Variants in RIPOR3 observed in about 807,000 individuals in gnomAD.
RIPOR3 encodes the protein RIPOR family member 3, also known as family with sequence similarity 65 member C.
Under a neutral mutation model 114.3 loss-of-function variants are expected in RIPOR3, and 95 were observed. The ratio of observed to expected loss-of-function variants is 0.83; its 90% CI spans 0.70 to 0.99. RIPOR3 has a LOEUF of 0.99. RIPOR3 is among the 50% of genes least tolerant of loss of function. The probability of loss-of-function intolerance (pLI) is 0.00; values close to 1 mark genes in which losing one functional copy is unlikely to be tolerated. For synonymous variants in RIPOR3, 575 were observed against 543.8 expected (o/e 1.06, Z -0.80); for missense variants, 1,252 against 1,266.9 (o/e 0.99, Z 0.18).
chr20:50,677,274 A>G (rs1240716907), intron 1 of RIPOR3, among the ~76,000 whole-genome samples: 1 of 152,034 alleles, frequency 6.6e-6, no homozygotes, highest in East Asian at 1.9e-4. Context: ...TGTGCCAGAC[A>G]CAGGGTCCAA....
intron 1 of RIPOR3, among the ~76,000 whole-genome samples, chr20:50,631,829 G>A (rs938412546): frequency 9.2e-5 from 14 of 152,166 alleles, no homozygotes; most frequent in South Asian, 2.1e-4. Flanking sequence ...CTTCCAGCAA[G>A]GGCAGCTGGA....
chr20:50,642,297 C>G (rs1417908852), intron 1 of RIPOR3, among the ~76,000 whole-genome samples: 1 of 151,402 alleles, frequency 6.6e-6, no homozygotes, highest in African/African-American at 2.4e-5. Context: ...CATCCTTTCT[C>G]AGTTTTCTCC....
intron 2 of RIPOR3, among the ~76,000 whole-genome samples, chr20:50,627,270 G>A (rs149349740): frequency 0.014 from 2,071 of 151,868 alleles, 57 homozygotes; most frequent in African/African-American, 0.045. Flanking sequence ...GGAGGCCGAG[G>A]CAGGTGGATC....
intron 3 of RIPOR3, 96 bp from the exon 4 acceptor site, chr20:50,616,176 C>T (rs2084165973): frequency 3.1e-6 from 4 of 1,284,330 alleles, no homozygotes; most frequent in Non-Finnish European, 3.3e-6. Context: ...GGAGAGCAGA[C>T]ACGGGGCTCA....
At chr20:50,589,376 C>T (rs13040456) in intron 20 of RIPOR3, among the ~76,000 whole-genome samples, 5 of 150,722 alleles carry the variant, frequency 3.3e-5, no homozygotes, top group Non-Finnish European at 5.9e-5. Flanking sequence ...GGCACGATCT[C>T]GGCTCACTGC....
intron 3 of RIPOR3, among the ~76,000 whole-genome samples, chr20:50,617,382 G>A (rs1270373342): frequency 6.6e-6 from 1 of 152,146 alleles, no homozygotes; most frequent in South Asian, 2.1e-4. Flanking sequence ...AAAGGACACA[G>A]AATCTGTCCT....
intron 20 of RIPOR3, among the ~76,000 whole-genome samples, chr20:50,588,272 T>C (rs1232297188): frequency 6.6e-6 from 1 of 152,260 alleles, no homozygotes; most frequent in Non-Finnish European, 1.5e-5. Flanking sequence ...CTCAGGCACA[T>C]GCCCCCTGGC....
chr20:50,638,108 C>CA (rs937210416), intron 1 of RIPOR3, among the ~76,000 whole-genome samples: 1 of 152,184 alleles, frequency 6.6e-6, no homozygotes, highest in Non-Finnish European at 1.5e-5. Context: ...AGCTTCAGGG[C>CA]AGCCCATGGT....
rs939059602 is a variant in RIPOR3 at position 50,642,222 on chromosome 20, CCTTTGT to C, written c.4-11372_4-11367del. 1.1e-4 allele frequency among the ~76,000 whole-genome samples: 17 copies of C among 152,068 alleles called. No homozygotes were observed. In the Middle Eastern group the frequency reaches 0.01, roughly 91 times the overall value. ...CTTCTGGGAATTTTCAGTGCCTATT[CCTTTGT>C]CCAGTTATCTGCCTTCTTCTTCTTG... On this transcript the variant is annotated intron_variant, in intron 1 of 21. Coordinates refer to ENST00000327979, the MANE Select transcript of RIPOR3 (RefSeq NM_001290268.2).
chr20:50,641,149 A>C (rs2426189), intron 1 of RIPOR3, among the ~76,000 whole-genome samples: 1 of 151,832 alleles, frequency 6.6e-6, no homozygotes, highest in Admixed American at 6.6e-5. Flanking sequence ...GACCTCAGGT[A>C]ATCCGCCTGC....
intron 1 of RIPOR3, among the ~76,000 whole-genome samples, chr20:50,644,092 C>T (rs2123348314): frequency 6.6e-6 from 1 of 151,968 alleles, no homozygotes; most frequent in Middle Eastern, 3.4e-3. Flanking sequence ...TGCACTCCAG[C>T]CTGGGCAACA....
chr20:50,676,769 CTTTTTTTTT>C (rs1310891448), intron 1 of RIPOR3, among the ~76,000 whole-genome samples: 1 of 132,836 alleles, frequency 7.5e-6, no homozygotes, highest in Non-Finnish European at 1.6e-5. Context: ...CCAGATTCTA[CTTTTTTTTT>C]TTTTTTTTTT....
At chr20:50,627,216 T>G (rs2084651241) in intron 2 of RIPOR3, among the ~76,000 whole-genome samples, 2 of 151,436 alleles carry the variant, frequency 1.3e-5, no homozygotes, top group Non-Finnish European at 2.9e-5. Flanking sequence ...AATTTCTATT[T>G]GGTGCCAGGC....
At chr20:50,678,838 A>T (rs4809804) in intron 1 of RIPOR3, among the ~76,000 whole-genome samples, 124,309 of 151,780 alleles carry the variant, frequency 0.82, 51,700 homozygotes, top group East Asian at 0.96. Context: ...TATCTGTTTA[A>T]AATGCCTGTA....
chr20:50,617,594 A>G (rs1488112042), intron 3 of RIPOR3, among the ~76,000 whole-genome samples: 1 of 133,400 alleles, frequency 7.5e-6, no homozygotes, highest in Non-Finnish European at 1.6e-5. Context: ...AAGGATGTCT[A>G]TTTTGAAAAC....
chr20:50,647,478 CTT>C (rs942940961), intron 1 of RIPOR3, among the ~76,000 whole-genome samples: 3 of 100,348 alleles, frequency 3.0e-5, no homozygotes, highest in East Asian at 3.0e-4. Flanking sequence ...GCCTCATTCT[CTT>C]TTTTTTTTTT....
intron 16 of RIPOR3, 100 bp from the exon 17 acceptor site, chr20:50,594,814 G>A: frequency 7.2e-7 from 1 of 1,389,068 alleles, no homozygotes; most frequent in Non-Finnish European, 9.8e-7. Context: ...GGGTAGGGAG[G>A]AGGGGACGGT....
intron 1 of RIPOR3, among the ~76,000 whole-genome samples, chr20:50,679,104 C>CAA (rs1215128742): frequency 2.8e-4 from 10 of 35,982 alleles, no homozygotes; most frequent in African/African-American, 1.7e-3. Flanking sequence ...GATCCTGTCT[C>CAA]AAAAAAAAAA....
chr20:50,596,650 C>T (rs1189369025), intron 14 of RIPOR3, among the ~76,000 whole-genome samples: 4 of 152,174 alleles, frequency 2.6e-5, no homozygotes, highest in South Asian at 2.1e-4. Flanking sequence ...TGGGCAAGAG[C>T]GCCTCACACC....
Sources: gnomAD v4.1 joint callset for allele counts (sites outside exome capture counted in the v4.1 genomes callset) on GRCh38, gnomAD v4.1.1 for gene constraint, MANE v1.5 for transcripts, NCBI Gene and HGNC (gene_info 2026-07-23, HGNC 2026-07-21) for gene names.